The following PRKD1 variants were observed in gnomAD, a reference collection of about 807,000 sequenced individuals.
PRKD1 encodes the protein serine/threonine-protein kinase D1.
Under a neutral mutation model 95.9 loss-of-function variants are expected in PRKD1, and 63 were observed. The ratio of observed to expected loss-of-function variants is 0.66; its 90% CI spans 0.54 to 0.81. The LOEUF (loss-of-function observed/expected upper bound fraction) is 0.81, where lower values mean the gene tolerates loss of function less well. PRKD1 is among the 30% of genes least tolerant of loss of function. PRKD1 has a pLI of 0.00. For synonymous variants in PRKD1, 425 were observed against 423.1 expected, an observed-to-expected ratio of 1.00 and a Z score of -0.05; for missense variants, 1,048 against 1,165.3, an observed-to-expected ratio of 0.90 and a Z score of 1.47.
chr14:29,650,131 C>G (rs190066596), intron 4 of PRKD1, among the ~76,000 whole-genome samples: 28 of 151,992 alleles, frequency 1.8e-4, no homozygotes, highest in African/African-American at 6.7e-4. Context: ...GCTGACTTAG[C>G]GAGCCACTCT....
chr14:29,579,152 A>G (rs1892671958), intron 16 of PRKD1, among the ~76,000 whole-genome samples: 1 of 151,872 alleles, frequency 6.6e-6, no homozygotes, highest in Non-Finnish European at 1.5e-5. Context: ...TAGTCTGAAA[A>G]TCATCCTAGT....
intron 1 of PRKD1, among the ~76,000 whole-genome samples, chr14:29,807,597 C>A (rs1890288608): frequency 6.6e-6 from 1 of 151,832 alleles, no homozygotes; most frequent in Non-Finnish European, 1.5e-5. Context: ...GAGGTTTCGC[C>A]ATGTTGTCCA....
intron 1 of PRKD1, among the ~76,000 whole-genome samples, chr14:29,920,587 T>C (rs1594628478): frequency 7.1e-6 from 1 of 141,310 alleles, no homozygotes. Context: ...TCCAGTCTAA[T>C]ACACACACAC....
intron 2 of PRKD1, among the ~76,000 whole-genome samples, chr14:29,677,654 C>G (rs377047163): frequency 6.6e-6 from 1 of 152,206 alleles, no homozygotes; most frequent in Non-Finnish European, 1.5e-5. Context: ...CGGCTCACTG[C>G]AACCTCCGCT....
At position 29,636,453 on chromosome 14, in the gene PRKD1, CT is replaced by C; in HGVS notation, c.1026del (p.Glu343LysfsTer65). The C allele has an allele frequency of 6.2e-7, 1 of 1,614,146 alleles. No individual in the cohort carries two copies. Among genetic ancestry groups the C allele is most frequent in the Non-Finnish European group, 8.5e-7 (1 of 1,180,014 alleles). ...SPGAESDVVM[E>X]EGSDDNDSER... ...TCACTATCATTGTCATCACTCCCTT[CT>C]TCCATGACCACATCAGACTCTGCCC... On this transcript the variant is annotated frameshift_variant, in exon 7 of 18. Transcript: ENST00000331968. LOFTEE classifies it high-confidence loss of function.
At chr14:29,764,277 G>GA (rs996418043) in intron 1 of PRKD1, among the ~76,000 whole-genome samples, 11 of 148,856 alleles carry the variant, frequency 7.4e-5, no homozygotes, top group South Asian at 6.4e-4. Context: ...TTCTCCACTG[G>GA]AAAAAAAAAT....
At chr14:29,578,993 C>A (rs1013851547) in intron 16 of PRKD1, among the ~76,000 whole-genome samples, 1 of 152,046 alleles carries the variant, frequency 6.6e-6, no homozygotes, top group Non-Finnish European at 1.5e-5. Flanking sequence ...CCTTCATAGA[C>A]TTTCTAGAGG....
At chr14:29,627,364 C>G (rs1460383780) in intron 11 of PRKD1, among the ~76,000 whole-genome samples, 1 of 152,158 alleles carries the variant, frequency 6.6e-6, no homozygotes, top group Non-Finnish European at 1.5e-5. Context: ...TGTGAGTGAG[C>G]TGGAGAGGCT....
At chr14:29,708,998 G>T (rs1326711899) in intron 2 of PRKD1, among the ~76,000 whole-genome samples, 1 of 152,078 alleles carries the variant, frequency 6.6e-6, no homozygotes, top group Non-Finnish European at 1.5e-5. Context: ...GCATTAATGT[G>T]CCAAGTTTCT....
At chr14:29,733,403 T>TAG (rs1886555265) in intron 1 of PRKD1, among the ~76,000 whole-genome samples, 1 of 152,180 alleles carries the variant, frequency 6.6e-6, no homozygotes, top group Non-Finnish European at 1.5e-5. Context: ...CCCGGCCAGT[T>TAG]CACTGATATT....
intron 6 of PRKD1, chr14:29,638,269 C>T (rs1244347111): frequency 1.9e-6 from 1 of 529,636 alleles, no homozygotes; most frequent in Non-Finnish European, 3.3e-6. Context: ...TCAATACTAG[C>T]TGCTCACCAT....
chr14:29,763,943 T>C (rs1369158517), intron 1 of PRKD1, among the ~76,000 whole-genome samples: 1 of 152,180 alleles, frequency 6.6e-6, no homozygotes, highest in African/African-American at 2.4e-5. Context: ...CTTCCTCTGA[T>C]TTATTGATTA....
At chr14:29,822,690 T>A (rs1890960971) in intron 1 of PRKD1, among the ~76,000 whole-genome samples, 1 of 152,136 alleles carries the variant, frequency 6.6e-6, no homozygotes, top group Admixed American at 6.6e-5. Flanking sequence ...TCAACACTTT[T>A]AAAAATGTAG....
intron 2 of PRKD1, among the ~76,000 whole-genome samples, chr14:29,666,715 T>C (rs1882535523): frequency 6.6e-6 from 1 of 152,050 alleles, no homozygotes; most frequent in African/African-American, 2.4e-5. Context: ...CTTCCTTATA[T>C]AGGGATAGAG....
intron 1 of PRKD1, among the ~76,000 whole-genome samples, chr14:29,795,206 G>A (rs1230767019): frequency 6.6e-6 from 1 of 151,900 alleles, no homozygotes; most frequent in Admixed American, 6.6e-5. Context: ...TATTTATTGA[G>A]ATGCTAAATA....
chr14:29,604,130 AT>A (rs1406893799), intron 13 of PRKD1, among the ~76,000 whole-genome samples: 1 of 152,152 alleles, frequency 6.6e-6, no homozygotes, highest in Admixed American at 6.6e-5. Flanking sequence ...ACTAATTCTA[AT>A]TTTTTTGTTT....
intron 1 of PRKD1, among the ~76,000 whole-genome samples, chr14:29,747,129 C>A (rs1887261281): frequency 6.6e-6 from 1 of 152,000 alleles, no homozygotes; most frequent in Admixed American, 6.6e-5. Context: ...CCCCAATTAC[C>A]CAAATGTGAT....
chr14:29,884,082 A>G (rs551259834), intron 1 of PRKD1, among the ~76,000 whole-genome samples: 121 of 152,338 alleles, frequency 7.9e-4, no homozygotes, highest in African/African-American at 2.8e-3. Flanking sequence ...CAATATGTGC[A>G]GTGTGATCTC....
chr14:29,672,268 G>A (rs1027699756), intron 2 of PRKD1, among the ~76,000 whole-genome samples: 2 of 151,858 alleles, frequency 1.3e-5, no homozygotes, highest in African/African-American at 4.8e-5. Context: ...GTGAACTTGG[G>A]AGGCAGAGCT....
Sources: gnomAD v4.1 joint callset for allele counts (sites outside exome capture counted in the v4.1 genomes callset) on GRCh38, gnomAD v4.1.1 for gene constraint, MANE v1.5 for transcripts, NCBI Gene and HGNC (gene_info 2026-07-23, HGNC 2026-07-21) for gene names.